NEBL: variants seen among roughly 807,000 people sequenced by gnomAD.
NEBL encodes LIM and SH3 protein 2.
Under a neutral mutation model 140.2 loss-of-function variants are expected in NEBL, and 122 were observed. The observed-to-expected ratio is 0.87, with a 90% CI of 0.75 to 1.01. The LOEUF (loss-of-function observed/expected upper bound fraction) is 1.01. NEBL is among the 50% of genes least tolerant of loss of function. The pLI, the probability that NEBL is intolerant of heterozygous loss-of-function variation, is 0.00. For missense variants in NEBL, 1,365 were observed against 1,231.3 expected (o/e 1.11, Z -1.62); for synonymous variants, 436 against 398.9 (o/e 1.09, Z -1.11).
At chr10:20,903,590 G>A (rs903979038) in intron 4 of NEBL, among the ~76,000 whole-genome samples, 2 of 152,106 alleles carry the variant, frequency 1.3e-5, no homozygotes, top group Non-Finnish European at 2.9e-5. Flanking sequence ...AGCACAATTC[G>A]CAATGGCAAG....
At chr10:20,930,865 A>G (rs1462488440) in intron 4 of NEBL, among the ~76,000 whole-genome samples, 2 of 152,226 alleles carry the variant, frequency 1.3e-5, no homozygotes, top group East Asian at 3.9e-4. Flanking sequence ...AAACATTCAA[A>G]GTAGGCAATA....
intron 3 of NEBL, among the ~76,000 whole-genome samples, chr10:21,209,388 T>C (rs2132234002): frequency 6.6e-6 from 1 of 152,348 alleles, no homozygotes; most frequent in African/African-American, 2.4e-5. Flanking sequence ...CTGGGTATCC[T>C]GTTTTTTGTT....
chr10:20,912,313 T>G lies in NEBL; in HGVS notation c.357+49359A>C, dbSNP rs377237960. Among the ~76,000 whole-genome samples, 432 of 152,228 alleles carry G rather than the reference T, an allele frequency of 2.8e-3. 3 individuals are homozygous for G. Among genetic ancestry groups the G allele is most frequent in the Non-Finnish European group, 2.6e-3 (178 of 68,008 alleles). On this transcript the variant is annotated intron_variant, in intron 4 of 6. Transcript: ENST00000417816. ...GAAATAAAAATGCATTAGCTGGGTG[T>G]GGTGGTGTGTGCCTGTAGTCCTAGC...
intron 3 of NEBL, among the ~76,000 whole-genome samples, chr10:20,973,912 T>C (rs1836685319): frequency 6.6e-6 from 1 of 152,200 alleles, no homozygotes; most frequent in African/African-American, 2.4e-5. Flanking sequence ...TCTGATGGCA[T>C]TTGAATCCTG....
At chr10:21,248,621 T>C (rs1267226262) in intron 2 of NEBL, among the ~76,000 whole-genome samples, 1 of 152,248 alleles carries the variant, frequency 6.6e-6, no homozygotes, top group Admixed American at 6.5e-5. Context: ...AATGCTGCTA[T>C]GAACATGAGG....
chr10:21,148,082 G>C (rs1211616257), intron 2 of NEBL, among the ~76,000 whole-genome samples: 1 of 152,204 alleles, frequency 6.6e-6, no homozygotes, highest in Non-Finnish European at 1.5e-5. Context: ...AGAATTTACA[G>C]TAGAGAGCAC....
At chr10:21,124,303 T>C (rs1272260086) in intron 2 of NEBL, among the ~76,000 whole-genome samples, 4 of 152,284 alleles carry the variant, frequency 2.6e-5, no homozygotes, top group Admixed American at 2.0e-4. Flanking sequence ...TAACAAAGAT[T>C]AGGGAAAAGA....
chr10:20,809,624 T>C (rs1243169041), intron 25 of NEBL, among the ~76,000 whole-genome samples, 182 bp downstream of exon 25: 1 of 152,160 alleles, frequency 6.6e-6, no homozygotes, highest in Non-Finnish European at 1.5e-5. Context: ...TTAAGATATA[T>C]TAAAAAGTTT....
intron 4 of NEBL, among the ~76,000 whole-genome samples, chr10:20,886,633 A>G (rs959644546): frequency 1.1e-4 from 17 of 152,110 alleles, no homozygotes; most frequent in African/African-American, 4.1e-4. Flanking sequence ...AAAAACCTAG[A>G]CTCTGGGGCC....
At chr10:21,084,376 T>C (rs1319330385) in intron 2 of NEBL, among the ~76,000 whole-genome samples, 1 of 152,198 alleles carries the variant, frequency 6.6e-6, no homozygotes, top group Non-Finnish European at 1.5e-5. Context: ...TCTCTCTCGC[T>C]GCAATCACTG....
chr10:21,203,413 C>A (rs1841774420), intron 3 of NEBL, among the ~76,000 whole-genome samples: 1 of 152,214 alleles, frequency 6.6e-6, no homozygotes, highest in Non-Finnish European at 1.5e-5. Flanking sequence ...TAAAAAAGTT[C>A]TCCAACTTAT....
At chr10:20,929,202 G>A (rs1016518828) in intron 4 of NEBL, among the ~76,000 whole-genome samples, 3 of 151,640 alleles carry the variant, frequency 2.0e-5, no homozygotes, top group South Asian at 4.2e-4. Context: ...GCAAAAATAC[G>A]GAATCAACCT....
intron 2 of NEBL, among the ~76,000 whole-genome samples, chr10:21,035,767 C>T (rs182619355): frequency 7.3e-4 from 111 of 152,224 alleles, no homozygotes; most frequent in African/African-American, 2.6e-3. Context: ...TCTCAAATGG[C>T]AAACCTCCCA....
chr10:20,911,611 G>C (rs1050118912), intron 4 of NEBL, among the ~76,000 whole-genome samples: 2 of 152,122 alleles, frequency 1.3e-5, no homozygotes, highest in Admixed American at 6.5e-5. Flanking sequence ...TTTAAAACTA[G>C]AGCATTTAAC....
intron 2 of NEBL, among the ~76,000 whole-genome samples, chr10:21,020,703 T>C (rs577849057): frequency 6.6e-6 from 1 of 152,298 alleles, no homozygotes; most frequent in South Asian, 2.1e-4. Context: ...GTCCTCCTCT[T>C]GGGCGGCCTC....
At chr10:21,069,035 C>T (rs1176311261) in intron 2 of NEBL, among the ~76,000 whole-genome samples, 3 of 152,154 alleles carry the variant, frequency 2.0e-5, no homozygotes, top group East Asian at 1.9e-4. Flanking sequence ...ACTACAGGCA[C>T]ATGCCACCAC....
At chr10:20,809,950 GAAAA>G (rs200571909) in intron 24 of NEBL, 52 bp from the exon 25 acceptor site, 63 of 682,832 alleles carry the variant, frequency 9.2e-5, no homozygotes, top group Middle Eastern at 2.9e-4. Flanking sequence ...TTTAAAAAAG[GAAAA>G]AAAAAAAAAA....
rs188512798 is a variant in NEBL, at chr10:21,131,667, A to G, written c.164+40716T>C. ...CCATGTAGAACCTCTGGTGTGTATG[A>G]CAGGTCATGACATAGAACACTGCTT... On this transcript the variant is annotated intron_variant, in intron 2 of 6. Transcript: ENST00000417816. 2.4e-5 allele frequency among the ~76,000 whole-genome samples: 3 copies of G among 123,896 alleles called. No individual in the cohort carries two copies. The East Asian group carries it at 5.8e-4, about 24-fold the overall frequency. The allele number at this position is 123,896 out of a possible 152,430, so 81.3% of individuals were successfully genotyped here. A position where few individuals can be genotyped will look rare whatever the true frequency, so the allele number is the denominator to read the frequency against.
rs555650579 is a variant in NEBL, at chr10:20,940,158, A to G, written c.357+21514T>C. Among the ~76,000 whole-genome samples, 270 of 152,300 alleles carry G rather than the reference A, an allele frequency of 1.8e-3. 1 individual carries two copies. Among genetic ancestry groups the G allele is most frequent in the South Asian group, 4.6e-3 (22 of 4,828 alleles). On this transcript the variant is annotated intron_variant, in intron 4 of 6. Coordinates refer to the NEBL transcript ENST00000417816. The stretch of plus-strand genomic sequence containing the variant: ...TTCTTCTCAGCATCACACCACACCT[A>G]TTCCAAAATTGACCACATAGTTGGA...
Sources: allele counts gnomAD v4.1 joint callset (sites outside exome capture counted in the v4.1 genomes callset), GRCh38; gene constraint gnomAD v4.1.1; transcripts MANE v1.5; gene names NCBI Gene and HGNC (gene_info 2026-07-23, HGNC 2026-07-21).